The following TPM3 variants were observed in gnomAD, a reference collection of about 807,000 sequenced individuals.
TPM3 encodes tropomyosin alpha-3 chain.
Under a neutral mutation model 43.1 loss-of-function variants are expected in TPM3, and 16 were observed. That is an observed-to-expected ratio of 0.37 (90% CI 0.25 to 0.56). The LOEUF (loss-of-function observed/expected upper bound fraction) is 0.56, where lower values mean the gene tolerates loss of function less well. Ranked by LOEUF, TPM3 falls within the 20% of genes least tolerant of loss-of-function variation. The pLI is 0.77. For missense variants in TPM3, 176 were observed against 337.2 expected, an observed-to-expected ratio of 0.52 and a Z score of 3.74; for synonymous variants, 101 against 116.9, an observed-to-expected ratio of 0.86 and a Z score of 0.88.
At chr1:154,186,522 T>C (rs1663416397) in intron 2 of TPM3, among the ~76,000 whole-genome samples, 1 of 151,506 alleles carries the variant, frequency 6.6e-6, no homozygotes. Context: ...GGTGTATATG[T>C]CCATCGTTGT....
chr1:154,171,326 A>G (rs1359071955), intron 6 of TPM3, 87 bp downstream of exon 6: 1 of 1,378,836 alleles, frequency 7.3e-7, no homozygotes, highest in Non-Finnish European at 1.0e-6. Flanking sequence ...ACTGGATTAT[A>G]TATGGAATGC....
At chr1:154,157,653 G>A (rs183874481), downstream of TPM3, 49 of 779,804 alleles carry the variant, frequency 6.3e-5, no homozygotes, top group Admixed American at 8.3e-4. Flanking sequence ...ATCTCATTCA[G>A]GTCAAGCAGG....
intron 3 of TPM3, among the ~76,000 whole-genome samples, chr1:154,173,664 CA>C (rs75398811): frequency 1.9e-3 from 154 of 79,670 alleles, no homozygotes; most frequent in Admixed American, 3.3e-3. Flanking sequence ...AACTCCGTCT[CA>C]AAAAAAAAAA....
chr1:154,171,297 T>C, intron 6 of TPM3, 116 bp downstream of exon 6: 3 of 1,046,074 alleles, frequency 2.9e-6, no homozygotes, highest in Non-Finnish European at 4.5e-6. Context: ...GGTAAGGAGG[T>C]AGGAAGAGGA....
At chr1:154,158,927 A>G (rs748642465), downstream of TPM3, 1 of 778,576 alleles carries the variant, frequency 1.3e-6, no homozygotes, top group Non-Finnish European at 2.4e-6. Context: ...CAGTGGTGTG[A>G]GCAGTAAGCT....
intron 2 of TPM3, chr1:154,182,837 T>C: frequency 8.4e-7 from 1 of 1,192,662 alleles, no homozygotes; most frequent in Non-Finnish European, 1.2e-6. Context: ...GTCCTACTGG[T>C]GCTGAGCCCC....
At chr1:154,183,304 G>C in intron 2 of TPM3, 1 of 1,488,522 alleles carries the variant, frequency 6.7e-7, no homozygotes, top group Non-Finnish European at 8.9e-7. Context: ...GTCCACTGGA[G>C]GGAGAGCCGC....
At chr1:154,174,312 G>T (rs1661957120) in intron 3 of TPM3, among the ~76,000 whole-genome samples, 1 of 146,320 alleles carries the variant, frequency 6.8e-6, no homozygotes, top group Non-Finnish European at 1.5e-5. Context: ...TCCAGCCTAG[G>T]GGATAGAGTG....
downstream of TPM3, chr1:154,157,554 A>C (rs1243289635): frequency 7.8e-6 from 6 of 766,636 alleles, no homozygotes; most frequent in East Asian, 7.3e-5. Flanking sequence ...ATCAGCCCTC[A>C]GTTAAAGGTC....
At chr1:154,170,213 T>C in intron 8 of TPM3, 187 bp downstream of exon 8, 1 of 633,878 alleles carries the variant, frequency 1.6e-6, no homozygotes, top group African/African-American at 1.8e-5. Context: ...AGGAAAAGAT[T>C]AAATTTAAAA....
intron 5 of TPM3, 27 bp downstream of exon 5, chr1:154,172,881 A>T: frequency 6.2e-7 from 1 of 1,614,008 alleles, no homozygotes; most frequent in Non-Finnish European, 8.5e-7. Flanking sequence ...ATTGGTAATG[A>T]CAAGATTTGG....
rs68185418 is a variant in TPM3 at position 154,165,789 on chromosome 1, C to CAAAAAAAA, written c.*2140_*2147dup. ...AGGTGACAAGAGTCAAACTCCGTCT[C>CAAAAAAAA]AAAAAAAAAAAAAAAAAGAAAAAAA... On this transcript the variant is annotated 3_prime_UTR_variant, in exon 10 of 10. Coordinates refer to ENST00000651641, the MANE Select transcript of TPM3 (RefSeq NM_152263.4). 2.3e-4 allele frequency among the ~76,000 whole-genome samples: 19 copies of CAAAAAAAA among 81,978 alleles called. No homozygotes were observed. The highest frequency in any genetic ancestry group is 3.5e-4 in the Non-Finnish European group (13 of 37,322). The allele number at this position is 81,978 out of a possible 152,430, so 53.8% of individuals were successfully genotyped here. A position where few individuals can be genotyped will look rare whatever the true frequency, so the allele number is the denominator to read the frequency against.
downstream of TPM3, among the ~76,000 whole-genome samples, chr1:154,160,120 G>A (rs1179483611): frequency 6.6e-6 from 1 of 151,218 alleles, no homozygotes; most frequent in Admixed American, 6.6e-5. Context: ...ACTTTAAAGA[G>A]ATAGTGGGAT....
At chr1:154,189,004 T>C (rs1286029520) in intron 2 of TPM3, among the ~76,000 whole-genome samples, 1 of 150,530 alleles carries the variant, frequency 6.6e-6, no homozygotes, top group East Asian at 2.0e-4. Flanking sequence ...TGGTGGCAGC[T>C]GCCTGTAATC....
chr1:154,165,800 A>G lies in TPM3; in HGVS notation c.*2137T>C, dbSNP rs533214754. Among the ~76,000 whole-genome samples the G allele has an allele frequency of 1.3e-5, 2 of 151,912 alleles. No homozygotes were observed. Among genetic ancestry groups the G allele is most frequent in the South Asian group, 2.1e-4 (1 of 4,826 alleles). Reference sequence around the variant, plus strand: ...GTCAAACTCCGTCTCAAAAAAAAAAAAAAAAAGAAAAAAAGAAAAAAGTTT... The same window carrying G: ...GTCAAACTCCGTCTCAAAAAAAAAAGAAAAAAGAAAAAAAGAAAAAAGTTT... On this transcript the variant is annotated 3_prime_UTR_variant, in exon 10 of 10. Coordinates refer to ENST00000651641, the MANE Select transcript of TPM3 (RefSeq NM_152263.4).
intron 2 of TPM3, chr1:154,183,732 G>T (rs186110903): frequency 7.8e-4 from 130 of 167,282 alleles, no homozygotes; most frequent in African/African-American, 2.5e-3. Flanking sequence ...TCTCTCTCCC[G>T]TCTCCTGGAA....
At chr1:154,169,257 C>T (rs751978154) in intron 9 of TPM3, 48 bp downstream of exon 9, 10 of 1,574,442 alleles carry the variant, frequency 6.4e-6, no homozygotes, top group Non-Finnish European at 7.9e-6. Flanking sequence ...GTACCCCCAT[C>T]CACCCACAAG....
chr1:154,169,837 G>A (rs1661380315), intron 8 of TPM3: 1 of 269,406 alleles, frequency 3.7e-6, no homozygotes, highest in Non-Finnish European at 7.2e-6. Context: ...TGCCAAGAGA[G>A]TGTACCAAAG....
chr1:154,169,174 A>G (rs1436596715), intron 9 of TPM3, 131 bp downstream of exon 9: 1 of 1,011,602 alleles, frequency 9.9e-7, no homozygotes. Flanking sequence ...AACCAGCACC[A>G]ATGTTTCAAA....
Sources: gnomAD v4.1 joint callset for allele counts (sites outside exome capture counted in the v4.1 genomes callset) on GRCh38, gnomAD v4.1.1 for gene constraint, MANE v1.5 for transcripts, NCBI Gene and HGNC (gene_info 2026-07-23, HGNC 2026-07-21) for gene names.